The following WWOX variants were observed in gnomAD, a reference collection of about 807,000 sequenced individuals.
WWOX encodes WW domain-containing oxidoreductase.
WWOX carries 69 observed loss-of-function variants against 46.2 expected under a neutral mutation model. That is an observed-to-expected ratio of 1.49 (90% CI 1.23 to 1.82). The LOEUF (loss-of-function observed/expected upper bound fraction) is 1.82. Ranked by LOEUF, WWOX falls within the 40% of genes most tolerant of loss-of-function variation. WWOX has a pLI of 0.00. For synonymous variants in WWOX, 359 were observed against 202.6 expected, an observed-to-expected ratio of 1.77 and a Z score of -6.56; for missense variants, 919 against 542.6, an observed-to-expected ratio of 1.69 and a Z score of -6.89.
At chr16:79,034,403 G>C (rs566038016) in intron 8 of WWOX, among the ~76,000 whole-genome samples, 1 of 152,318 alleles carries the variant, frequency 6.6e-6, no homozygotes, top group East Asian at 1.9e-4. Flanking sequence ...TGCAAAAGGT[G>C]TTTTCTCCAA....
chr16:78,309,954 C>T (rs780932258), intron 5 of WWOX, among the ~76,000 whole-genome samples: 3 of 152,016 alleles, frequency 2.0e-5, no homozygotes, highest in Non-Finnish European at 4.4e-5. Context: ...AGGTTATATG[C>T]GTGAAGTTCG....
chr16:79,122,308 G>C (rs572106217), intron 8 of WWOX, among the ~76,000 whole-genome samples: 13 of 152,260 alleles, frequency 8.5e-5, no homozygotes, highest in African/African-American at 2.9e-4. Context: ...GAAGCAACGA[G>C]TCCCTTGTTC....
rs143340919 is a variant in WWOX, at chr16:78,130,398, G to C, written c.409+15244G>C. On this transcript the variant is annotated intron_variant, in intron 4 of 8. Coordinates refer to ENST00000566780, the MANE Select transcript of WWOX (RefSeq NM_016373.4). ...TAGTAGGAGGGCCCTCCCCAAGAAC[G>C]TGACCATGCTGCCACCTTGACCTTG... 3.4e-3 allele frequency among the ~76,000 whole-genome samples: 521 copies of C among 152,278 alleles called. 4 individuals are homozygous for C. The highest frequency in any genetic ancestry group is 0.012 in the African/African-American group (480 of 41,552).
intron 8 of WWOX, among the ~76,000 whole-genome samples, chr16:78,718,225 A>G (rs2142344662): frequency 6.6e-6 from 1 of 152,030 alleles, no homozygotes; most frequent in East Asian, 1.9e-4. Flanking sequence ...TTTGTAAACA[A>G]TTATGTAGTT....
chr16:78,680,749 C>T (rs750690641), intron 8 of WWOX, among the ~76,000 whole-genome samples: 14 of 152,148 alleles, frequency 9.2e-5, no homozygotes, highest in Non-Finnish European at 1.6e-4. Context: ...TAGAGTGTCC[C>T]ATTGCACAGT....
intron 5 of WWOX, among the ~76,000 whole-genome samples, chr16:78,357,991 A>C (rs571580464): frequency 6.6e-6 from 1 of 152,162 alleles, no homozygotes; most frequent in African/African-American, 2.4e-5. Flanking sequence ...CTGTTGCCGG[A>C]GATGTGGAGC....
chr16:78,397,394 A>T (rs546683016), intron 6 of WWOX, among the ~76,000 whole-genome samples: 39 of 152,282 alleles, frequency 2.6e-4, no homozygotes, highest in African/African-American at 8.9e-4. Flanking sequence ...AGAGTGGGTT[A>T]AAAAATGGCA....
In WWOX at chr16:78,960,579, G is replaced by C. The variant is rs564457108; in HGVS notation, c.1057-251029G>C. Among the ~76,000 whole-genome samples the C allele has an allele frequency of 1.6e-4, 24 of 152,332 alleles. No individual in the cohort carries two copies. In the South Asian group the frequency reaches 5.0e-3, roughly 32 times the overall value. On this transcript the variant is annotated intron_variant, in intron 8 of 8. Coordinates refer to ENST00000566780, the MANE Select transcript of WWOX (RefSeq NM_016373.4). ...AGCAGGTATTTATTGAGTTATGACTGTCAGGCATGGAACAGATCCATTGGT... is the reference window on the plus strand; with the variant it reads ...AGCAGGTATTTATTGAGTTATGACTCTCAGGCATGGAACAGATCCATTGGT...
chr16:78,452,295 T>G (rs185264050), intron 8 of WWOX, among the ~76,000 whole-genome samples: 356 of 152,260 alleles, frequency 2.3e-3, no homozygotes, highest in African/African-American at 8.0e-3. Context: ...GATTTAGATT[T>G]TTTCAATTTT....
chr16:79,151,451 C>G (rs918521273), intron 8 of WWOX, among the ~76,000 whole-genome samples: 3 of 152,346 alleles, frequency 2.0e-5, no homozygotes, highest in African/African-American at 7.2e-5. Context: ...TCAGCACTGG[C>G]TTGCATTGGC....
chr16:78,361,217 G>A (rs2081404218), intron 5 of WWOX, among the ~76,000 whole-genome samples: 1 of 152,182 alleles, frequency 6.6e-6, no homozygotes, highest in Admixed American at 6.5e-5. Context: ...TTAGCTGAGT[G>A]TAAGCATTTT....
chr16:78,653,352 C>A (rs2047007288), intron 8 of WWOX, among the ~76,000 whole-genome samples: 1 of 152,178 alleles, frequency 6.6e-6, no homozygotes, highest in African/African-American at 2.4e-5. Context: ...TTTTGCCTTA[C>A]ACTTTTTGTA....
intron 8 of WWOX, among the ~76,000 whole-genome samples, chr16:78,952,822 G>C (rs995182143): frequency 2.0e-5 from 3 of 152,168 alleles, no homozygotes; most frequent in Non-Finnish European, 2.9e-5. Context: ...TATTGAATGA[G>C]TAAGTGAATG....
chr16:78,690,566 A>G (rs956239644), intron 8 of WWOX, among the ~76,000 whole-genome samples: 7 of 152,054 alleles, frequency 4.6e-5, no homozygotes, highest in Non-Finnish European at 7.4e-5. Context: ...TTAAAAAAAG[A>G]AGAAGAAATG....
chr16:78,169,483 G>GGC, intron 5 of WWOX, among the ~76,000 whole-genome samples: 1 of 91,976 alleles, frequency 1.1e-5, no homozygotes, highest in African/African-American at 4.6e-5. Context: ...GAGATCTCAG[G>GGC]ACCTCTGCAT....
At position 78,794,344 on chromosome 16, in the gene WWOX, C is replaced by T. The variant is rs191067675; in HGVS notation, c.1056+361592C>T. On this transcript the variant is annotated intron_variant, in intron 8 of 8. Transcript: ENST00000566780. ...TTCAAAGCTCCCCAGGAGTCTCTCT[C>T]GGTCTGTTCTGGCTCAGGAAGCTGC... Among the ~76,000 whole-genome samples the T allele has an allele frequency of 1.9e-3, 284 of 152,196 alleles. 1 individual carries two copies. Among genetic ancestry groups the T allele is most frequent in the Non-Finnish European group, 3.1e-3 (210 of 68,002 alleles).
chr16:79,003,173 G>A (rs1290928852), intron 8 of WWOX, among the ~76,000 whole-genome samples: 1 of 152,168 alleles, frequency 6.6e-6, no homozygotes, highest in Non-Finnish European at 1.5e-5. Context: ...CTAACTTTGA[G>A]AGCCCAATAA....
chr16:79,026,253 G>C (rs1027242559), intron 8 of WWOX, among the ~76,000 whole-genome samples: 1 of 151,584 alleles, frequency 6.6e-6, no homozygotes, highest in Non-Finnish European at 1.5e-5. Context: ...CTGTGCTTTA[G>C]TCACCCTACC....
At chr16:78,532,323 C>A (rs1367583257) in intron 8 of WWOX, among the ~76,000 whole-genome samples, 5 of 152,068 alleles carry the variant, frequency 3.3e-5, no homozygotes, top group Admixed American at 6.6e-5. Flanking sequence ...CGGTTCAAGT[C>A]CTCTCTCTGT....
Sources: allele counts gnomAD v4.1 joint callset (sites outside exome capture counted in the v4.1 genomes callset), GRCh38; gene constraint gnomAD v4.1.1; transcripts MANE v1.5; gene names NCBI Gene and HGNC (gene_info 2026-07-23, HGNC 2026-07-21).